Variants in TG observed in about 807,000 individuals in gnomAD.
TG encodes thyroid hormones.
TG carries 270 observed loss-of-function variants against 324.7 expected under a neutral mutation model. The ratio of observed to expected loss-of-function variants is 0.83; its 90% CI spans 0.75 to 0.92. The LOEUF (loss-of-function observed/expected upper bound fraction) is 0.92. Ranked by LOEUF, TG falls within the 40% of genes least tolerant of loss-of-function variation. The pLI is 0.00. For missense variants in TG, 3,591 were observed against 3,456.4 expected, an observed-to-expected ratio of 1.04 and a Z score of -0.98; for synonymous variants, 1,401 against 1,327.0, an observed-to-expected ratio of 1.06 and a Z score of -1.21.
intron 41 of TG, among the ~76,000 whole-genome samples, chr8:133,083,483 G>A (rs927806802): frequency 6.6e-6 from 1 of 152,158 alleles, no homozygotes; most frequent in African/African-American, 2.4e-5. Flanking sequence ...AGAACACACA[G>A]CTGGTTAGAG....
chr8:132,872,485 A>T (rs984797425), intron 4 of TG, among the ~76,000 whole-genome samples: 3 of 151,678 alleles, frequency 2.0e-5, no homozygotes, highest in African/African-American at 7.3e-5. Flanking sequence ...CTCAAAAAAA[A>T]AAAAAAAAAA....
At chr8:132,941,039 C>A (rs1274309131) in intron 25 of TG, among the ~76,000 whole-genome samples, 2 of 152,224 alleles carry the variant, frequency 1.3e-5, no homozygotes, top group African/African-American at 4.8e-5. Context: ...CAGTGCAATA[C>A]ATATTTGCTG....
chr8:132,952,387 G>A (rs1363737824), intron 27 of TG, among the ~76,000 whole-genome samples: 2 of 152,142 alleles, frequency 1.3e-5, no homozygotes, highest in African/African-American at 4.8e-5. Context: ...CAGCCTCAGG[G>A]CCTCCATCTG....
Position 133,011,942 on chromosome 8 carries a change from G to A in TG, c.6304G>A (p.Val2102Ile). The change falls in exon 36 of 48, where the codon GTT (valine) becomes ATT (isoleucine). Residue 2102 changes from valine (V) to isoleucine (I), a missense_variant. Physicochemically the swap from Val to Ile is conservative, Grantham distance 29. Transcript: ENST00000220616. Reference protein sequence around the residue: ...SWQSLALSSVVVDPSIRHFDV... With the variant: ...SWQSLALSSVIVDPSIRHFDV... The stretch of plus-strand genomic sequence containing the variant: ...GCAGTCCCTGGCCCTCTCTTCAGTG[G>A]TTGTTGATCCATCCATTAGGCACTT... 1.2e-6 allele frequency: 2 copies of A among 1,614,196 alleles called. No homozygotes were observed. The highest frequency in any genetic ancestry group is 1.7e-6 in the Non-Finnish European group (2 of 1,180,040).
intron 35 of TG, chr8:132,995,583 T>A (rs1374576124): frequency 1.1e-6 from 1 of 935,168 alleles, no homozygotes; most frequent in Admixed American, 6.2e-5. Context: ...GCACCCAGGA[T>A]CATGCATGTG....
At chr8:133,098,677 TG>T (rs1281591770) in intron 43 of TG, among the ~76,000 whole-genome samples, 2 of 152,208 alleles carry the variant, frequency 1.3e-5, no homozygotes, top group Non-Finnish European at 2.9e-5. Context: ...AAAGGGCTGA[TG>T]GGGCTAGGGA....
At chr8:132,963,252 T>C (rs1447110084) in intron 29 of TG, among the ~76,000 whole-genome samples, 178 bp downstream of exon 29, 1 of 152,170 alleles carries the variant, frequency 6.6e-6, no homozygotes, top group African/African-American at 2.4e-5. Context: ...GCTCCTCAGA[T>C]GGGCAATTGT....
chr8:133,034,446 G>A (rs1375086499), intron 41 of TG, among the ~76,000 whole-genome samples: 1 of 152,152 alleles, frequency 6.6e-6, no homozygotes, highest in Non-Finnish European at 1.5e-5. Flanking sequence ...ACTAGTGTTA[G>A]GAAATAAGTG....
chr8:132,905,039 C>T (rs1346449747), intron 16 of TG, among the ~76,000 whole-genome samples: 1 of 152,112 alleles, frequency 6.6e-6, no homozygotes, highest in African/African-American at 2.4e-5. Context: ...GGACCTATCC[C>T]ATAGGGTTGT....
chr8:133,052,429 A>T (rs938053086), intron 41 of TG, among the ~76,000 whole-genome samples: 7 of 152,222 alleles, frequency 4.6e-5, no homozygotes, highest in African/African-American at 1.7e-4. Context: ...CAATATGGAA[A>T]GGGATCAGGG....
At chr8:132,988,997 T>G in intron 35 of TG, 1 of 673,284 alleles carries the variant, frequency 1.5e-6, no homozygotes, top group African/African-American at 2.0e-5. Context: ...TCCATGTGGC[T>G]GGGGAGGCCT....
At position 133,012,016 on chromosome 8, in the gene TG, C is replaced by A. The variant is rs753665784; in HGVS notation, c.6378C>A (p.Val2126=). ...STAATSNFSA[V]RDLCLSECSQ... ...CTGCCACCAGCAATTTCTCTGCTGT[C>A]CGAGACCTCTGTTTGTCGGGTAAGG... Residue 2126 remains valine (V), a synonymous_variant, in exon 36 of 48, where the codon GTC becomes GTA. Transcript: ENST00000220616. 1 of 1,614,204 alleles carries A rather than the reference C, an allele frequency of 6.2e-7. No homozygotes were observed. Among genetic ancestry groups the A allele is most frequent in the Non-Finnish European group, 8.5e-7 (1 of 1,180,032 alleles).
At chr8:133,026,276 T>A (rs1836063868) in intron 40 of TG, among the ~76,000 whole-genome samples, 4 of 152,144 alleles carry the variant, frequency 2.6e-5, no homozygotes, top group Non-Finnish European at 5.9e-5. Flanking sequence ...ACTCCAGAGG[T>A]ACTTTGTGAA....
intron 5 of TG, among the ~76,000 whole-genome samples, chr8:132,880,811 C>G (rs933798052): frequency 1.2e-4 from 18 of 152,164 alleles, no homozygotes; most frequent in African/African-American, 4.3e-4. Flanking sequence ...TATACACACT[C>G]CCTTTTGGCT....
At chr8:132,883,046 C>T (rs750829626) in intron 8 of TG, 47 bp downstream of exon 8, 3 of 1,591,730 alleles carry the variant, frequency 1.9e-6, no homozygotes, top group Admixed American at 3.5e-5. Flanking sequence ...GATCATATTA[C>T]TTTGGCGGTC....
Position 132,888,090 on chromosome 8 carries a change from A to C in TG, c.2283A>C (p.Pro761=), listed in dbSNP as rs754741790. 23 of 1,613,860 alleles carry C rather than the reference A, an allele frequency of 1.4e-5. No homozygotes were observed. Among genetic ancestry groups the C allele is most frequent in the Non-Finnish European group, 1.9e-5 (22 of 1,180,004 alleles). The change falls in exon 10 of 48, where the codon CCA becomes CCC. Residue 761 remains proline (P), a synonymous_variant. Transcript: ENST00000220616. The part of the protein sequence containing the change: ...MLPTLSDTYI[P]QCSTDGQWRQ... ...CCACCCTTTCCGACACCTACATCCCACAGTGCAGCACCGATGGGCAGTGGA... is the reference window on the plus strand; with the variant it reads ...CCACCCTTTCCGACACCTACATCCCCCAGTGCAGCACCGATGGGCAGTGGA...
chr8:133,024,566 C>T (rs1037127681), intron 40 of TG, among the ~76,000 whole-genome samples: 26 of 151,624 alleles, frequency 1.7e-4, no homozygotes, highest in African/African-American at 5.6e-4. Context: ...CCTTGCCCCC[C>T]GCCCCCCAAC....
At chr8:132,929,943 C>T (rs1264354641) in intron 23 of TG, among the ~76,000 whole-genome samples, 1 of 152,018 alleles carries the variant, frequency 6.6e-6, no homozygotes, top group African/African-American at 2.4e-5. Flanking sequence ...CGATTGAGTC[C>T]CTCACCCAGG....
intron 21 of TG, among the ~76,000 whole-genome samples, chr8:132,919,776 G>T (rs1043811991): frequency 6.6e-6 from 1 of 152,186 alleles, no homozygotes. Context: ...GGCAGGGAGA[G>T]CAAAATTGCC....
Sources: gnomAD v4.1 joint callset for allele counts (sites outside exome capture counted in the v4.1 genomes callset) on GRCh38, gnomAD v4.1.1 for gene constraint, MANE v1.5 for transcripts, NCBI Gene and HGNC (gene_info 2026-07-23, HGNC 2026-07-21) for gene names.